NUP210L: variants seen among roughly 807,000 people sequenced by gnomAD.
The protein encoded by NUP210L is nuclear pore membrane glycoprotein 210-like.
A neutral mutation model predicts 208.5 loss-of-function variants in NUP210L; 74 were observed. The ratio of observed to expected loss-of-function variants is 0.35; its 90% CI spans 0.29 to 0.43. The LOEUF is 0.43. Ranked by LOEUF, NUP210L falls within the 20% of genes least tolerant of loss-of-function variation. The pLI, the probability that NUP210L is intolerant of heterozygous loss-of-function variation, is 1.00. For synonymous variants in NUP210L, 780 were observed against 816.9 expected, an observed-to-expected ratio of 0.95 and a Z score of 0.77; for missense variants, 1,843 against 2,289.4, an observed-to-expected ratio of 0.81 and a Z score of 3.98.
In NUP210L at chr1:154,129,302, T is replaced by C. The variant is rs773811570; in HGVS notation, c.1053A>G (p.Ile351Met). The change falls in exon 8 of 40, where the codon ATA becomes ATG. Residue 351 changes from isoleucine (I) to methionine (M), a missense_variant. Transcript: ENST00000368559. ...CTAAAAATCCAGGCTCTACAACATA[T>C]ATGGTGCAATTTGGGAGTCCAGACA... The C allele has an allele frequency of 3.4e-5, 54 of 1,610,110 alleles. 1 individual carries two copies. In the South Asian group the frequency reaches 5.9e-4, roughly 18 times the overall value.
exon 36 of NUP210L, chr1:154,001,772 C>G: frequency 6.2e-7 from 1 of 1,614,164 alleles, no homozygotes; most frequent in South Asian, 1.1e-5. Flanking sequence ...TCCCAGTACT[C>G]TTATCTCCCC....
intron 16 of NUP210L, among the ~76,000 whole-genome samples, chr1:154,072,401 C>T (rs560045208): frequency 2.4e-5 from 3 of 124,240 alleles, no homozygotes; most frequent in Non-Finnish European, 3.2e-5. Flanking sequence ...GGTGAGATCT[C>T]GGCTCACTGC....
At position 154,100,228 on chromosome 1, in the gene NUP210L, T is replaced by A. The variant is rs185796267; in HGVS notation, c.1820-85A>T. The A allele has an allele frequency of 5.7e-5, 71 of 1,250,394 alleles. No homozygotes were observed. The South Asian group carries it at 8.5e-4, about 15-fold the overall frequency. 77.5% of individuals were successfully genotyped at this position (1,250,394 alleles called of 1,614,324 possible). The stretch of plus-strand genomic sequence containing the variant: ...ACTTTGGGAGGCCAAGGCAGGAAGA[T>A]TGCTTGAGCTCCGAAGTTTAAGACC... On this transcript the variant is annotated intron_variant, in intron 13 of 39. Transcript: ENST00000368559.
chr1:154,135,426 T>C (rs1658482982), intron 7 of NUP210L, among the ~76,000 whole-genome samples: 1 of 142,226 alleles, frequency 7.0e-6, no homozygotes, highest in Non-Finnish European at 1.5e-5. Flanking sequence ...TATTATAATC[T>C]TTTTTTTTTT....
In NUP210L at chr1:154,050,881, T is replaced by A. The variant is rs191549974; in HGVS notation, c.3483+3347A>T. Among the ~76,000 whole-genome samples the A allele has an allele frequency of 2.8e-3, 428 of 152,276 alleles. 1 individual carries two copies. Among genetic ancestry groups the A allele is most frequent in the South Asian group, 7.1e-3 (34 of 4,822 alleles). On this transcript the variant is annotated intron_variant, in intron 25 of 39. Transcript: ENST00000368559. Reference sequence around the variant, plus strand: ...TCTTATTCTGGCTCAAAAGGTAAAGTTTTTCAGATGCCCTATACTTCAGCT... The same window carrying A: ...TCTTATTCTGGCTCAAAAGGTAAAGATTTTCAGATGCCCTATACTTCAGCT...
Position 154,095,018 on chromosome 1 carries a change from CA to C in NUP210L, c.2103del (p.Ile701MetfsTer3). 6.2e-7 allele frequency: 1 copy of C among 1,614,128 alleles called. No homozygotes were observed. On this transcript the variant is annotated frameshift_variant, in exon 15 of 40. Coordinates refer to ENST00000368559, the Ensembl canonical transcript of NUP210L. LOFTEE classifies it high-confidence loss of function. ...GATGGCAGCCACACTTGTGCTATTCCAATCTTCTCTGTCTTCTCCGCATTCA... is the reference window on the plus strand; with the variant it reads ...GATGGCAGCCACACTTGTGCTATTCCATCTTCTCTGTCTTCTCCGCATTCA...
chr1:154,090,639 C>T lies in NUP210L; in HGVS notation c.2188-1045G>A, dbSNP rs576834155. Reference sequence around the variant, plus strand: ...CAGCCTGGCCGATATGGTGAAACCCCGTCTCTACTAAAAACACAAAAATTA... The same window carrying T: ...CAGCCTGGCCGATATGGTGAAACCCTGTCTCTACTAAAAACACAAAAATTA... On this transcript the variant is annotated intron_variant, in intron 15 of 39. Coordinates refer to ENST00000368559, the Ensembl canonical transcript of NUP210L. Among the ~76,000 whole-genome samples, 7 of 152,118 alleles carry T rather than the reference C, an allele frequency of 4.6e-5. No homozygotes were observed. In the South Asian group the frequency reaches 8.3e-4, roughly 18 times the overall value.
intron 37 of NUP210L, 69 bp downstream of exon 37, chr1:154,000,787 G>T: frequency 1.5e-6 from 2 of 1,342,120 alleles, no homozygotes; most frequent in African/African-American, 1.4e-5. Context: ...TGCAGATGGG[G>T]GGTACTAATG....
chr1:154,133,638 A>G (rs1658368615), intron 7 of NUP210L, among the ~76,000 whole-genome samples: 1 of 151,882 alleles, frequency 6.6e-6, no homozygotes, highest in Non-Finnish European at 1.5e-5. Flanking sequence ...CCAGGAGTTC[A>G]AGAGCAGTGT....
At chr1:154,137,410 G>A (rs1430321577) in intron 6 of NUP210L, among the ~76,000 whole-genome samples, 1 of 152,080 alleles carries the variant, frequency 6.6e-6, no homozygotes, top group African/African-American at 2.4e-5. Context: ...AAATTAGCTG[G>A]GCATGGTGGT....
At chr1:154,107,258 G>A (rs985641081) in intron 12 of NUP210L, among the ~76,000 whole-genome samples, 2 of 149,122 alleles carry the variant, frequency 1.3e-5, no homozygotes, top group Middle Eastern at 3.5e-3. Flanking sequence ...AGCAGATCAC[G>A]AGATCAGGAG....
chr1:154,149,483 GCAGGATTGCTTGAGCC>G (rs1659280512), intron 2 of NUP210L, among the ~76,000 whole-genome samples: 1 of 152,196 alleles, frequency 6.6e-6, no homozygotes, highest in African/African-American at 2.4e-5. Flanking sequence ...GGAAGCTGAG[GCAGGATTGCTTGAGCC>G]CAGGAGTTCA....
At chr1:154,043,621 A>T (rs980764277) in intron 27 of NUP210L, among the ~76,000 whole-genome samples, 1 of 123,900 alleles carries the variant, frequency 8.1e-6, no homozygotes, top group Admixed American at 9.1e-5. Flanking sequence ...GAACCACTGC[A>T]CCCGGCCTTT....
chr1:154,054,709 TGAGAGA>T (rs373373242), intron 24 of NUP210L, 55 bp downstream of exon 24: 2 of 1,031,938 alleles, frequency 1.9e-6, no homozygotes, highest in Non-Finnish European at 3.0e-6. Flanking sequence ...TGTGTGTGTG[TGAGAGA>T]GAGAGAGAGG....
intron 11 of NUP210L, among the ~76,000 whole-genome samples, chr1:154,118,432 CA>C (rs1657440734): frequency 1.3e-5 from 2 of 152,052 alleles, no homozygotes; most frequent in South Asian, 4.1e-4. Context: ...CAAAAAAAGA[CA>C]CAACAGAACT....
At chr1:154,120,668 G>A (rs1014953677) in intron 10 of NUP210L, among the ~76,000 whole-genome samples, 1 of 150,474 alleles carries the variant, frequency 6.6e-6, no homozygotes, top group Non-Finnish European at 1.5e-5. Context: ...ATCCAAGGTG[G>A]CCAGATCATG....
intron 2 of NUP210L, among the ~76,000 whole-genome samples, chr1:154,151,665 T>A (rs1052547158): frequency 6.6e-6 from 1 of 152,168 alleles, no homozygotes; most frequent in Non-Finnish European, 1.5e-5. Context: ...TTCTTTTAAT[T>A]TATTTATTAT....
intron 17 of NUP210L, among the ~76,000 whole-genome samples, chr1:154,062,981 G>A (rs534292996): frequency 1.1e-4 from 16 of 152,276 alleles, no homozygotes; most frequent in African/African-American, 3.6e-4. Context: ...CTGTGAGGCA[G>A]TTTCTTGTGA....
intron 23 of NUP210L, among the ~76,000 whole-genome samples, chr1:154,056,294 A>C (rs1440718487): frequency 6.6e-6 from 1 of 152,212 alleles, no homozygotes; most frequent in Non-Finnish European, 1.5e-5. Flanking sequence ...AGCTGGGACC[A>C]CAGGCATGCA....
Sources: gnomAD v4.1 joint callset for allele counts (sites outside exome capture counted in the v4.1 genomes callset) on GRCh38, gnomAD v4.1.1 for gene constraint, MANE v1.5 for transcripts, NCBI Gene and HGNC (gene_info 2026-07-23, HGNC 2026-07-21) for gene names.